The following DOCK3 variants were observed in gnomAD, a reference collection of about 807,000 sequenced individuals.
DOCK3 encodes the protein dedicator of cytokinesis 3, also known as dedicator of cytokinesis protein 3.
Under a neutral mutation model 265.6 loss-of-function variants are expected in DOCK3, and 60 were observed. The ratio of observed to expected loss-of-function variants is 0.23; its 90% confidence interval spans 0.18 to 0.28. The LOEUF (loss-of-function observed/expected upper bound fraction) is 0.28. DOCK3 is among the 10% of genes least tolerant of loss of function. The probability of loss-of-function intolerance (pLI) is 1.00; values close to 1 mark genes in which losing one functional copy is unlikely to be tolerated. For missense variants in DOCK3, 1,981 were observed against 2,594.3 expected (o/e 0.76, Z 5.14); for synonymous variants, 881 against 938.0 (o/e 0.94, Z 1.11).
intron 22 of DOCK3, among the ~76,000 whole-genome samples, chr3:51,250,923 G>A (rs911322722): frequency 3.9e-5 from 6 of 152,150 alleles, no homozygotes; most frequent in Non-Finnish European, 5.9e-5. Context: ...ACAACGTGCA[G>A]GTTTGTTACA....
intron 5 of DOCK3, among the ~76,000 whole-genome samples, chr3:50,970,925 ATATATATATATATATATATATAATG>A (rs2077198122): frequency 4.3e-5 from 3 of 69,102 alleles, no homozygotes; most frequent in African/African-American, 1.8e-4. Context: ...ATATATATAT[ATATATATATATATATATATATAATG>A]TGTGTGTGTG....
chr3:51,059,152 C>G (rs2081309644), intron 5 of DOCK3, among the ~76,000 whole-genome samples: 1 of 152,116 alleles, frequency 6.6e-6, no homozygotes, highest in African/African-American at 2.4e-5. Context: ...CAGTGTTTAG[C>G]TCCCACTTGT....
intron 26 of DOCK3, 58 bp from the exon 27 acceptor site, chr3:51,280,048 G>A (rs931942885): frequency 2.1e-6 from 3 of 1,423,786 alleles, no homozygotes; most frequent in East Asian, 2.3e-5. Context: ...TCTATGGATT[G>A]GGGGAACACA....
intron 43 of DOCK3, 28 bp downstream of exon 43, chr3:51,356,521 C>G: frequency 2.5e-6 from 4 of 1,601,538 alleles, no homozygotes; most frequent in Non-Finnish European, 3.4e-6. Context: ...TGAAGCTGAG[C>G]TTCACAACTG....
At chr3:51,331,007 T>C (rs2084482814) in intron 33 of DOCK3, among the ~76,000 whole-genome samples, 1 of 152,240 alleles carries the variant, frequency 6.6e-6, no homozygotes, top group Non-Finnish European at 1.5e-5. Context: ...TGCTTAGAAC[T>C]TTCCAGTGTG....
At chr3:50,813,779 A>C (rs570929854) in intron 2 of DOCK3, among the ~76,000 whole-genome samples, 2 of 152,336 alleles carry the variant, frequency 1.3e-5, no homozygotes, top group South Asian at 4.1e-4. Context: ...TGTAGCTCAC[A>C]TATTAATACA....
Position 51,362,583 on chromosome 3 carries a change from C to G in DOCK3, c.5202C>G (p.Ser1734=), listed in dbSNP as rs777264847. The change falls in exon 49 of 53, where the codon TCC becomes TCG. Residue 1734 remains serine, a synonymous_variant. Transcript: ENST00000266037. ...QGSVTNVSVL[S]SSQASPSSSS... is the part of the protein sequence containing the mutation. Reference sequence around the variant, plus strand: ...CAGTCACCAACGTCTCTGTTCTGTCCTCGTCCCAGGCAAGCCCTTCTTCCT... The same window carrying G: ...CAGTCACCAACGTCTCTGTTCTGTCGTCGTCCCAGGCAAGCCCTTCTTCCT... The G allele has an allele frequency of 3.7e-6, 6 of 1,614,004 alleles. No individual in the cohort carries two copies. Among genetic ancestry groups the G allele is most frequent in the Non-Finnish European group, 4.2e-6 (5 of 1,179,882 alleles).
chr3:51,302,385 T>C (rs1344524717), intron 27 of DOCK3, among the ~76,000 whole-genome samples: 3 of 152,224 alleles, frequency 2.0e-5, no homozygotes, highest in Non-Finnish European at 4.4e-5. Context: ...TTATACAGTT[T>C]GCCATTCTGT....
intron 9 of DOCK3, among the ~76,000 whole-genome samples, chr3:51,095,054 A>G (rs1210589097): frequency 3.4e-5 from 5 of 146,980 alleles, no homozygotes; most frequent in Non-Finnish European, 7.5e-5. Context: ...CTTTCTTTTG[A>G]GCCTATGTGT....
At chr3:50,788,391 A>G (rs1278959844) in intron 2 of DOCK3, 5 of 215,202 alleles carry the variant, frequency 2.3e-5, no homozygotes, top group African/African-American at 1.2e-4. Flanking sequence ...AGAATCACTC[A>G]AATGAAAAAA....
chr3:50,699,646 A>T (rs768140802), intron 1 of DOCK3, among the ~76,000 whole-genome samples: 1 of 151,878 alleles, frequency 6.6e-6, no homozygotes, highest in African/African-American at 2.4e-5. Flanking sequence ...GCTTAAGTGT[A>T]TGCACCATAT....
intron 2 of DOCK3, among the ~76,000 whole-genome samples, chr3:50,797,564 G>C (rs1442209081): frequency 5.3e-5 from 8 of 152,154 alleles, no homozygotes; most frequent in Non-Finnish European, 1.0e-4. Context: ...TCTGTGTTCT[G>C]GAAGAGCCAC....
intron 1 of DOCK3, among the ~76,000 whole-genome samples, chr3:50,755,976 G>C (rs2040136407): frequency 6.6e-6 from 1 of 152,194 alleles, no homozygotes; most frequent in African/African-American, 2.4e-5. Flanking sequence ...AAAAGTTTTA[G>C]AGCACAAGTG....
chr3:51,305,070 G>GT (rs2082579115), intron 27 of DOCK3, among the ~76,000 whole-genome samples: 1 of 152,214 alleles, frequency 6.6e-6, no homozygotes, highest in South Asian at 2.1e-4. Flanking sequence ...ATAGACGTGT[G>GT]TTAGAGCTAG....
intron 5 of DOCK3, among the ~76,000 whole-genome samples, chr3:51,008,520 GA>G (rs1333464337): frequency 6.6e-6 from 1 of 152,198 alleles, no homozygotes; most frequent in Non-Finnish European, 1.5e-5. Flanking sequence ...AGCTTAAGGA[GA>G]TTTTGGGCTG....
chr3:50,692,524 C>G (rs956554417), intron 1 of DOCK3, among the ~76,000 whole-genome samples: 1 of 152,244 alleles, frequency 6.6e-6, no homozygotes, highest in African/African-American at 2.4e-5. Flanking sequence ...TGTTCACCCA[C>G]TGCTCACCTT....
At chr3:51,167,476 T>C (rs552695454) in intron 12 of DOCK3, among the ~76,000 whole-genome samples, 29 of 152,324 alleles carry the variant, frequency 1.9e-4, no homozygotes, top group African/African-American at 6.0e-4. Flanking sequence ...TTTCTATTCC[T>C]GTGAAAAATG....
chr3:51,073,553 A>G (rs2081959200), intron 6 of DOCK3, among the ~76,000 whole-genome samples: 1 of 152,238 alleles, frequency 6.6e-6, no homozygotes, highest in Non-Finnish European at 1.5e-5. Flanking sequence ...TAAATGCATT[A>G]ACTTCAATTG....
chr3:51,189,478 A>C (rs1017137415), intron 12 of DOCK3, among the ~76,000 whole-genome samples: 1 of 152,098 alleles, frequency 6.6e-6, no homozygotes, highest in Non-Finnish European at 1.5e-5. Flanking sequence ...TGCTTACCAA[A>C]GCTTAGGTCC....
Sources: allele counts gnomAD v4.1 joint callset (sites outside exome capture counted in the v4.1 genomes callset), GRCh38; gene constraint gnomAD v4.1.1; transcripts MANE v1.5; gene names NCBI Gene and HGNC (gene_info 2026-07-23, HGNC 2026-07-21).